The following STXBP5L variants were observed in gnomAD, a reference collection of about 807,000 sequenced individuals.
STXBP5L encodes syntaxin binding protein 5L.
In STXBP5L, 65 loss-of-function variants were observed where a neutral mutation model predicts 144.5. That is an observed-to-expected ratio of 0.45 (90% confidence interval 0.37 to 0.55). The LOEUF (loss-of-function observed/expected upper bound fraction) is 0.55, where lower values mean the gene tolerates loss of function less well. Among genes scored for constraint, STXBP5L ranks in the 20% least tolerant of loss-of-function variants. The pLI, the probability that STXBP5L is intolerant of heterozygous loss-of-function variation, is 0.00. For missense variants in STXBP5L, 1,298 were observed against 1,405.5 expected, an observed-to-expected ratio of 0.92 and a Z score of 1.22; for synonymous variants, 505 against 469.6, an observed-to-expected ratio of 1.08 and a Z score of -0.97.
intron 7 of STXBP5L, among the ~76,000 whole-genome samples, chr3:121,135,730 C>T (rs908023348): frequency 1.3e-5 from 2 of 152,278 alleles, no homozygotes; most frequent in East Asian, 3.9e-4. Context: ...CATTCACCTC[C>T]TGCTGTGTGG....
intron 10 of STXBP5L, among the ~76,000 whole-genome samples, chr3:121,218,214 A>G (rs1386683000): frequency 7.0e-6 from 1 of 143,142 alleles, no homozygotes; most frequent in East Asian, 2.0e-4. Flanking sequence ...TATATACTAT[A>G]CATAGTATAA....
At chr3:121,176,466 C>A (rs1475987096) in intron 9 of STXBP5L, among the ~76,000 whole-genome samples, 5 of 39,804 alleles carry the variant, frequency 1.3e-4, no homozygotes, top group East Asian at 5.9e-4. Flanking sequence ...AGGTTAAAAT[C>A]AATAAACATC....
intron 7 of STXBP5L, among the ~76,000 whole-genome samples, chr3:121,140,033 C>T (rs991937889): frequency 2.6e-5 from 4 of 152,048 alleles, no homozygotes; most frequent in African/African-American, 4.8e-5. Flanking sequence ...ATGAAACACT[C>T]ATTTCTCACT....
chr3:121,312,440 G>T (rs1340850854), intron 19 of STXBP5L, among the ~76,000 whole-genome samples: 11 of 35,924 alleles, frequency 3.1e-4, no homozygotes, highest in Non-Finnish European at 4.3e-4. Context: ...CTTAAGGTAT[G>T]TCAATCTTTT....
chr3:121,142,762 A>G (rs2045558739), intron 7 of STXBP5L, among the ~76,000 whole-genome samples: 1 of 152,100 alleles, frequency 6.6e-6, no homozygotes, highest in Admixed American at 6.5e-5. Flanking sequence ...ACTAAGAGGG[A>G]AGTTCTAGCA....
At chr3:120,920,306 T>C (rs1038359744) in intron 2 of STXBP5L, among the ~76,000 whole-genome samples, 1 of 147,396 alleles carries the variant, frequency 6.8e-6, no homozygotes, top group Non-Finnish European at 1.5e-5. Context: ...TTCTTACAAA[T>C]TTTTTTTTTG....
At chr3:121,212,563 A>G (rs891719858) in intron 10 of STXBP5L, among the ~76,000 whole-genome samples, 5 of 152,028 alleles carry the variant, frequency 3.3e-5, no homozygotes, top group Admixed American at 6.6e-5. Context: ...GTTCTGTTCC[A>G]TTGGTCTGTA....
chr3:121,361,496 C>A (rs1329505654), intron 20 of STXBP5L, among the ~76,000 whole-genome samples: 2 of 151,768 alleles, frequency 1.3e-5, no homozygotes, highest in Admixed American at 1.3e-4. Flanking sequence ...TTTCTTTTGT[C>A]TCTTCTGATT....
chr3:121,135,638 TGACA>T (rs1470383662), intron 7 of STXBP5L, among the ~76,000 whole-genome samples: 2 of 152,214 alleles, frequency 1.3e-5, no homozygotes, highest in African/African-American at 4.8e-5. Flanking sequence ...GCAGCTGATC[TGACA>T]GGAGGCGGAG....
At chr3:121,380,404 T>TA (rs1233602482) in intron 21 of STXBP5L, among the ~76,000 whole-genome samples, 1 of 152,182 alleles carries the variant, frequency 6.6e-6, no homozygotes, top group Non-Finnish European at 1.5e-5. Context: ...AATTATGAGT[T>TA]ACATGTGTAC....
intron 2 of STXBP5L, among the ~76,000 whole-genome samples, chr3:120,924,143 A>G (rs185494725): frequency 1.5e-3 from 236 of 152,356 alleles, no homozygotes; most frequent in African/African-American, 5.3e-3. Flanking sequence ...TAATTATACC[A>G]GTATGTTTCA....
chr3:121,341,736 T>C (rs2044720904), intron 20 of STXBP5L, among the ~76,000 whole-genome samples: 1 of 152,034 alleles, frequency 6.6e-6, no homozygotes, highest in African/African-American at 2.4e-5. Context: ...CTGGGGGTAA[T>C]TATGTTAAGT....
intron 7 of STXBP5L, among the ~76,000 whole-genome samples, chr3:121,126,854 A>C (rs537677842): frequency 2.6e-5 from 4 of 152,168 alleles, no homozygotes; most frequent in Admixed American, 1.3e-4. Flanking sequence ...GCTTTTTCAG[A>C]GGCTGCAAAA....
chr3:121,019,287 C>T (rs1218683332), intron 3 of STXBP5L, among the ~76,000 whole-genome samples: 2 of 152,140 alleles, frequency 1.3e-5, no homozygotes, highest in Non-Finnish European at 2.9e-5. Flanking sequence ...TCTTTGTCTA[C>T]CTACCCTAAT....
chr3:121,005,419 G>T (rs1346881806), intron 3 of STXBP5L, among the ~76,000 whole-genome samples: 1 of 152,028 alleles, frequency 6.6e-6, no homozygotes, highest in East Asian at 1.9e-4. Context: ...ATGTTTTATT[G>T]CGTCTATTTG....
At chr3:121,351,534 G>A (rs1272699157) in intron 20 of STXBP5L, among the ~76,000 whole-genome samples, 1 of 152,086 alleles carries the variant, frequency 6.6e-6, no homozygotes, top group African/African-American at 2.4e-5. Context: ...TTTTGATGGG[G>A]TTGTTTGTTT....
chr3:121,101,536 CATA>C (rs1161328018), intron 5 of STXBP5L, among the ~76,000 whole-genome samples: 2 of 152,024 alleles, frequency 1.3e-5, no homozygotes, highest in African/African-American at 4.8e-5. Flanking sequence ...AACATCTCTT[CATA>C]ATAAGAAACA....
At position 121,422,133 on chromosome 3, in the gene STXBP5L, C is replaced by T. The variant is rs1485501885; in HGVS notation, c.*3036C>T. 1 of 152,302 alleles carries T rather than the reference C, an allele frequency of 6.6e-6. No homozygotes were observed. 9.4% of individuals were successfully genotyped at this position (152,302 alleles called of 1,614,324 possible). On this transcript the variant is annotated 3_prime_UTR_variant, in exon 27 of 27. Coordinates refer to ENST00000471454, the MANE Select transcript of STXBP5L (RefSeq NM_001308330.2). ...ACACACACACCATCGCCACCACTAC[C>T]ATCATCATCTTATCCTCATCTTTGG... is the stretch of plus-strand genomic sequence containing the variant.
chr3:121,170,717 A>T (rs906969208), intron 9 of STXBP5L, among the ~76,000 whole-genome samples: 2 of 152,174 alleles, frequency 1.3e-5, no homozygotes, highest in African/African-American at 4.8e-5. Context: ...ACCAACCAAA[A>T]ACAACCCAGC....
Sources: gnomAD v4.1 joint callset for allele counts (sites outside exome capture counted in the v4.1 genomes callset) on GRCh38, gnomAD v4.1.1 for gene constraint, MANE v1.5 for transcripts, NCBI Gene and HGNC (gene_info 2026-07-23, HGNC 2026-07-21) for gene names.